The following DNAH7 variants were observed in gnomAD, a reference collection of about 807,000 sequenced individuals.
DNAH7 encodes the protein axonemal beta dynein heavy chain 7.
Under a neutral mutation model 444.6 loss-of-function variants are expected in DNAH7, and 397 were observed. That is an observed-to-expected ratio of 0.89 (90% CI 0.82 to 0.97). The LOEUF (loss-of-function observed/expected upper bound fraction) is 0.97. Among genes scored for constraint, DNAH7 ranks in the 50% least tolerant of loss-of-function variants. DNAH7 has a pLI of 0.00. For missense variants in DNAH7, 4,902 were observed against 4,800.8 expected (o/e 1.02, Z -0.62); for synonymous variants, 1,636 against 1,624.4 (o/e 1.01, Z -0.17).
intron 24 of DNAH7, among the ~76,000 whole-genome samples, chr2:195,913,035 G>A (rs988707615): frequency 6.6e-6 from 1 of 151,962 alleles, no homozygotes; most frequent in Non-Finnish European, 1.5e-5. Flanking sequence ...AGAAAAGCTA[G>A]GGAATCTACC....
chr2:195,873,155 G>A (rs933355760), intron 39 of DNAH7, among the ~76,000 whole-genome samples: 5 of 152,166 alleles, frequency 3.3e-5, no homozygotes, highest in African/African-American at 1.2e-4. Context: ...GGTCAGCTTG[G>A]CTCCCTGATA....
chr2:195,748,142 G>A (rs540311166), intron 63 of DNAH7, among the ~76,000 whole-genome samples: 1 of 152,224 alleles, frequency 6.6e-6, no homozygotes, highest in African/African-American at 2.4e-5. Flanking sequence ...CAATGTCTCA[G>A]GATACAAAAT....
At chr2:195,887,974 T>C (rs10194906) in intron 33 of DNAH7, among the ~76,000 whole-genome samples, 8,904 of 152,260 alleles carry the variant, frequency 0.058, 431 homozygotes, top group African/African-American at 0.14. Flanking sequence ...ATGGAAATTA[T>C]TTAAAATGCA....
chr2:195,948,578 G>A (rs1027101112), intron 19 of DNAH7, among the ~76,000 whole-genome samples: 1 of 152,154 alleles, frequency 6.6e-6, no homozygotes, highest in Non-Finnish European at 1.5e-5. Context: ...TTTTTGTCAG[G>A]TTTGTCAAAG....
At position 195,853,483 on chromosome 2, in the gene DNAH7, C is replaced by T. The variant is rs1699510315; in HGVS notation, c.8641G>A (p.Gly2881Arg). ...CGAGTTTTCTCACCTCCAAGGCCTC[C>T]AATCAACTGTTCAGCTCGTTCTAGT... is the stretch of plus-strand genomic sequence containing the variant. Reference protein sequence around the residue: ...KKLERAEQLIGGLGGEKTRWS... With the variant: ...KKLERAEQLIRGLGGEKTRWS... The change falls in exon 46 of 65, where the codon GGA (glycine) becomes AGA (arginine). Residue 2881 changes from glycine to arginine, a missense_variant. Coordinates refer to ENST00000312428, the MANE Select transcript of DNAH7 (RefSeq NM_018897.3). 2 of 1,613,840 alleles carry T rather than the reference C, an allele frequency of 1.2e-6. No homozygotes were observed. The highest frequency in any genetic ancestry group is 2.7e-5 in the African/African-American group (2 of 74,886).
intron 60 of DNAH7, among the ~76,000 whole-genome samples, chr2:195,774,096 C>A (rs1694961478): frequency 6.6e-6 from 1 of 152,260 alleles, no homozygotes; most frequent in African/African-American, 2.4e-5. Flanking sequence ...TGAAAAGATA[C>A]CCCTTGTGTA....
At chr2:195,797,288 T>C (rs1000358059) in intron 55 of DNAH7, among the ~76,000 whole-genome samples, 1 of 152,254 alleles carries the variant, frequency 6.6e-6, no homozygotes, top group African/African-American at 2.4e-5. Flanking sequence ...CCCTGGCTTC[T>C]GGGTCTCCTT....
At chr2:196,065,482 C>T (rs1005729532) in intron 1 of DNAH7, among the ~76,000 whole-genome samples, 2 of 152,210 alleles carry the variant, frequency 1.3e-5, no homozygotes, top group African/African-American at 4.8e-5. Context: ...TGCCTCAGAT[C>T]AATTCTTTAC....
At chr2:195,992,120 A>G (rs568708810) in intron 12 of DNAH7, among the ~76,000 whole-genome samples, 1 of 152,212 alleles carries the variant, frequency 6.6e-6, no homozygotes, top group Non-Finnish European at 1.5e-5. Context: ...TAATTACACA[A>G]AGCTGAAAGT....
intron 24 of DNAH7, among the ~76,000 whole-genome samples, chr2:195,919,967 C>T (rs967878919): frequency 2.0e-5 from 3 of 152,100 alleles, no homozygotes; most frequent in Non-Finnish European, 4.4e-5. Flanking sequence ...GCCAGAGGTA[C>T]AGATATGGGG....
intron 61 of DNAH7, among the ~76,000 whole-genome samples, chr2:195,764,950 TA>T (rs1694506067): frequency 6.6e-6 from 1 of 151,222 alleles, no homozygotes; most frequent in African/African-American, 2.4e-5. Flanking sequence ...GCAAAATGAT[TA>T]AAACTGGAGG....
chr2:196,011,187 A>C (rs73042588), intron 10 of DNAH7, among the ~76,000 whole-genome samples: 4,606 of 152,282 alleles, frequency 0.03, 230 homozygotes, highest in African/African-American at 0.1. Context: ...AGAAATGATA[A>C]ATGTTTGAGG....
intron 25 of DNAH7, among the ~76,000 whole-genome samples, chr2:195,908,415 A>C (rs1448521036): frequency 2.6e-5 from 4 of 151,862 alleles, no homozygotes; most frequent in African/African-American, 9.7e-5. Flanking sequence ...CATTGCCCCT[A>C]ATCTCTCATC....
intron 36 of DNAH7, among the ~76,000 whole-genome samples, chr2:195,878,221 TTATAA>T (rs1701167722): frequency 3.3e-5 from 5 of 152,230 alleles, no homozygotes; most frequent in Admixed American, 3.3e-4. Context: ...AAACACTGTA[TTATAA>T]TATATTTTTA....
chr2:196,045,146 A>AAGG (rs1270186181), intron 5 of DNAH7, among the ~76,000 whole-genome samples: 3 of 144,038 alleles, frequency 2.1e-5, no homozygotes, highest in African/African-American at 7.7e-5. Context: ...GGAGGAGGAG[A>AAGG]AGGAGGAGGA....
chr2:195,836,267 A>T (rs1698367686), intron 47 of DNAH7, among the ~76,000 whole-genome samples: 1 of 152,124 alleles, frequency 6.6e-6, no homozygotes, highest in Non-Finnish European at 1.5e-5. Flanking sequence ...TTCTAATCCC[A>T]GTGCTTTGGG....
chr2:195,871,958 A>AC (rs1307426972), intron 40 of DNAH7, among the ~76,000 whole-genome samples: 1 of 148,178 alleles, frequency 6.7e-6, no homozygotes, highest in Non-Finnish European at 1.5e-5. Flanking sequence ...AAAAAAAAAA[A>AC]AAAAAAAAAA....
intron 19 of DNAH7, among the ~76,000 whole-genome samples, chr2:195,951,310 T>G (rs1690240618): frequency 6.6e-6 from 1 of 152,172 alleles, no homozygotes; most frequent in Non-Finnish European, 1.5e-5. Context: ...AGAGACTGTT[T>G]GTTATGATTT....
Position 195,845,042 on chromosome 2 carries a change from G to A in DNAH7, c.8905C>T (p.Pro2969Ser). The A allele has an allele frequency of 1.2e-6, 2 of 1,613,752 alleles. No homozygotes were observed. Among genetic ancestry groups the A allele is most frequent in the South Asian group, 1.1e-5 (1 of 91,044 alleles). ...TIRTWNIAGL[P>S]SDSFSIDNGI... The stretch of plus-strand genomic sequence containing the variant: ...TTATCAATGGAAAATGAGTCAGAAG[G>A]TAATCCAGCAATATTCCAAGTTCGA... Residue 2969 changes from proline to serine, a missense_variant, in exon 47 of 65, where the codon CCT becomes TCT. Coordinates refer to ENST00000312428, the MANE Select transcript of DNAH7 (RefSeq NM_018897.3).
Sources: gnomAD v4.1 joint callset for allele counts (sites outside exome capture counted in the v4.1 genomes callset) on GRCh38, gnomAD v4.1.1 for gene constraint, MANE v1.5 for transcripts, NCBI Gene and HGNC (gene_info 2026-07-23, HGNC 2026-07-21) for gene names.